The following NTAN1 variants were observed in gnomAD, a reference collection of about 807,000 sequenced individuals.
The protein encoded by NTAN1 is N-terminal asparagine amidase.
Under a neutral mutation model 41.9 loss-of-function variants are expected in NTAN1, and 32 were observed. The observed-to-expected ratio is 0.76, with a 90% CI of 0.58 to 1.03. The LOEUF (loss-of-function observed/expected upper bound fraction) is 1.03, where lower values mean the gene tolerates loss of function less well. Among genes scored for constraint, NTAN1 ranks in the 50% least tolerant of loss-of-function variants. The probability of loss-of-function intolerance (pLI) is 0.00; values close to 1 mark genes in which losing one functional copy is unlikely to be tolerated. For missense variants in NTAN1, 377 were observed against 377.5 expected, an observed-to-expected ratio of 1.00 and a Z score of 0.01; for synonymous variants, 140 against 139.5, an observed-to-expected ratio of 1.00 and a Z score of -0.03.
In NTAN1 at chr16:15,048,038, T is replaced by C. The variant is rs577076844; in HGVS notation, c.143A>G (p.Tyr48Cys). 6.2e-7 allele frequency: 1 copy of C among 1,613,682 alleles called. No homozygotes were observed. Among genetic ancestry groups the C allele is most frequent in the South Asian group, 1.1e-5 (1 of 91,068 alleles). ...VQQVGPQGLL[Y>C]VQQRELAVTS... ...CACTGCAAGCTCTCTTTGCTGAACATACAGAAGGCCCTGGGGTCCCACTTG... is the reference window on the plus strand; with the variant it reads ...CACTGCAAGCTCTCTTTGCTGAACACACAGAAGGCCCTGGGGTCCCACTTG... The change falls in exon 2 of 10, where the codon TAT becomes TGT. Residue 48 changes from tyrosine to cysteine, a missense_variant. Physicochemically the swap from Tyr to Cys is radical, Grantham distance 194. Transcript: ENST00000287706.
chr16:15,054,960 C>T (rs1288550830), intron 1 of NTAN1, among the ~76,000 whole-genome samples: 1 of 152,140 alleles, frequency 6.6e-6, no homozygotes, highest in Non-Finnish European at 1.5e-5. Context: ...TGAAAGGGGA[C>T]GCTTTTTCTT....
chr16:15,040,398 GA>G, intron 7 of NTAN1: 1 of 286,310 alleles, frequency 3.5e-6, no homozygotes, highest in Non-Finnish European at 6.4e-6. Context: ...GTGGCTGGGT[GA>G]ACTGTGATCG....
intron 8 of NTAN1, among the ~76,000 whole-genome samples, chr16:15,039,590 G>A (rs192681442): frequency 3.9e-4 from 60 of 152,170 alleles, no homozygotes; most frequent in East Asian, 7.7e-4. Context: ...TCAGTGACCC[G>A]GTCCAAAAGA....
intron 8 of NTAN1, 46 bp from the exon 9 acceptor site, chr16:15,038,733 C>G: frequency 9.7e-7 from 1 of 1,029,374 alleles, no homozygotes; most frequent in South Asian, 1.3e-5. Context: ...ATGTCACCCA[C>G]TTTTCAAACC....
chr16:15,038,218 C>CACAAGATG lies in NTAN1; in HGVS notation c.754-16_754-9dup. ...AGGCGAAGTGGAAAGATTCTGAAAA[C>CACAAGATG]ACAAGATGGTGGGCATTAGAGAAGC... On this transcript the variant is annotated splice_polypyrimidine_tract_variant and intron_variant, in intron 9 of 9. Coordinates refer to ENST00000287706, the MANE Select transcript of NTAN1 (RefSeq NM_173474.4). 6.2e-7 allele frequency: 1 copy of CACAAGATG among 1,610,422 alleles called. No individual in the cohort carries two copies. The highest frequency in any genetic ancestry group is 8.5e-7 in the Non-Finnish European group (1 of 1,177,944).
chr16:15,053,020 G>A (rs993033109), intron 1 of NTAN1, among the ~76,000 whole-genome samples: 3 of 152,144 alleles, frequency 2.0e-5, no homozygotes, highest in African/African-American at 7.2e-5. Context: ...GATGGCCACC[G>A]TCTATATTCA....
intron 5 of NTAN1, among the ~76,000 whole-genome samples, chr16:15,043,237 T>A (rs2043902220): frequency 1.3e-5 from 2 of 151,912 alleles, no homozygotes; most frequent in African/African-American, 4.8e-5. Flanking sequence ...AGTTTCACCA[T>A]GTTGCCCAGG....
intron 8 of NTAN1, among the ~76,000 whole-genome samples, chr16:15,039,318 C>A (rs1164649888): frequency 1.3e-5 from 2 of 152,208 alleles, no homozygotes; most frequent in Non-Finnish European, 2.9e-5. Context: ...AATCCAAACA[C>A]ATTTCCCAGT....
intron 4 of NTAN1, among the ~76,000 whole-genome samples, chr16:15,046,914 G>C (rs1180473510): frequency 2.0e-5 from 3 of 151,688 alleles, no homozygotes; most frequent in Non-Finnish European, 4.4e-5. Flanking sequence ...TACATGCCTC[G>C]CCCCCTAGCG....
intron 5 of NTAN1, among the ~76,000 whole-genome samples, chr16:15,043,684 TCA>T (rs1426708392): frequency 6.6e-6 from 1 of 152,194 alleles, no homozygotes; most frequent in Non-Finnish European, 1.5e-5. Flanking sequence ...GTGTGGTGAC[TCA>T]CACCTGTAAT....
intron 1 of NTAN1, chr16:15,055,613 C>A: frequency 3.2e-6 from 1 of 313,234 alleles, no homozygotes; most frequent in Non-Finnish European, 5.8e-6. Context: ...CCGGCGTGTC[C>A]CCGAGCCGCA....
chr16:15,055,388 G>A (rs1243590822), intron 1 of NTAN1, among the ~76,000 whole-genome samples: 2 of 152,216 alleles, frequency 1.3e-5, no homozygotes, highest in Non-Finnish European at 2.9e-5. Flanking sequence ...CGGGGGTAGG[G>A]GAGAGAGAGG....
chr16:15,044,282 T>C (rs2043953019), intron 5 of NTAN1, 52 bp downstream of exon 5: 1 of 1,252,088 alleles, frequency 8.0e-7, no homozygotes, highest in Admixed American at 1.7e-5. Flanking sequence ...CAAGCAAATA[T>C]GGGTACATAT....
chr16:15,041,578 T>G, intron 6 of NTAN1, 45 bp downstream of exon 6: 1 of 1,399,616 alleles, frequency 7.1e-7, no homozygotes, highest in African/African-American at 1.4e-5. Context: ...GACAAAACGG[T>G]CCTGAGACCC....
Position 15,038,196 on chromosome 16 carries a change from C to T in NTAN1, c.768G>A (p.Ser256=), listed in dbSNP as rs759210687. 1.1e-5 allele frequency: 18 copies of T among 1,611,890 alleles called. No homozygotes were observed. In the East Asian group the frequency reaches 1.6e-4, roughly 14 times the overall value. ...CAAAGTGGGGTGGCTCAGCCAGAGG[C>T]GAAGTGGAAAGATTCTGAAAACACA... The part of the protein sequence containing the change: ...DKQILENLST[S]PLAEPPHFVE... Residue 256 remains serine, a synonymous_variant, in exon 10 of 10, where the codon TCG becomes TCA. Transcript: ENST00000287706.
intron 4 of NTAN1, chr16:15,047,176 C>A: frequency 2.0e-6 from 1 of 494,112 alleles, no homozygotes; most frequent in Non-Finnish European, 3.6e-6. Context: ...AAAATCGCAA[C>A]CTCGACGTTC....
rs1175242831 is a variant in NTAN1 at position 15,055,820 on chromosome 16, A to C, written c.81+71T>G. 9.8e-6 allele frequency: 8 copies of C among 818,386 alleles called. No individual in the cohort carries two copies. The East Asian group carries it at 2.7e-4, about 28-fold the overall frequency. 50.7% of individuals were successfully genotyped at this position (818,386 alleles called of 1,614,324 possible). On this transcript the variant is annotated intron_variant, in intron 1 of 9. Coordinates refer to ENST00000287706, the MANE Select transcript of NTAN1 (RefSeq NM_173474.4). ...CCAAGTTTCAAGTCTGTGTCGCGTG[A>C]GGGGGGCGCTAGCCCGCCCTGCAGC... is the stretch of plus-strand genomic sequence containing the variant.
At chr16:15,044,453 T>TCAGAG in intron 4 of NTAN1, 46 bp from the exon 5 acceptor site, 1 of 1,210,122 alleles carries the variant, frequency 8.3e-7, no homozygotes, top group Non-Finnish European at 1.2e-6. Flanking sequence ...AAGACACCGG[T>TCAGAG]GCGTGCGCTG....
chr16:15,038,505 C>T (rs2043649398), intron 9 of NTAN1, 69 bp downstream of exon 9: 1 of 926,562 alleles, frequency 1.1e-6, no homozygotes, highest in Non-Finnish European at 1.7e-6. Context: ...GGTCTAAACC[C>T]TTTTTTTCTT....
Sources: gnomAD v4.1 joint callset for allele counts (sites outside exome capture counted in the v4.1 genomes callset) on GRCh38, gnomAD v4.1.1 for gene constraint, MANE v1.5 for transcripts, NCBI Gene and HGNC (gene_info 2026-07-23, HGNC 2026-07-21) for gene names.